MDGA2: variants seen among roughly 807,000 people sequenced by gnomAD.
MDGA2 encodes the protein MAM domain-containing glycosylphosphatidylinositol anchor protein 2.
A neutral mutation model predicts 117.8 loss-of-function variants in MDGA2; 40 were observed. That is an observed-to-expected ratio of 0.34 (90% CI 0.26 to 0.44). The LOEUF (loss-of-function observed/expected upper bound fraction) is 0.44, where lower values mean the gene tolerates loss of function less well. Ranked by LOEUF, MDGA2 falls within the 20% of genes least tolerant of loss-of-function variation. The probability of loss-of-function intolerance (pLI) is 1.00; values close to 1 mark genes in which losing one functional copy is unlikely to be tolerated. For synonymous variants in MDGA2, 452 were observed against 439.0 expected (o/e 1.03, Z -0.37); for missense variants, 1,123 against 1,250.6 (o/e 0.90, Z 1.54).
At chr14:47,267,095 G>A (rs899724846) in intron 2 of MDGA2, among the ~76,000 whole-genome samples, 1 of 152,116 alleles carries the variant, frequency 6.6e-6, no homozygotes, top group Non-Finnish European at 1.5e-5. Flanking sequence ...ATGATTGCAT[G>A]AAGTACCTGG....
chr14:47,562,872 A>T (rs1052422310), intron 1 of MDGA2, among the ~76,000 whole-genome samples: 4 of 152,076 alleles, frequency 2.6e-5, no homozygotes, highest in African/African-American at 7.2e-5. Flanking sequence ...TTAGTGCTAT[A>T]AATGTCCGTC....
intron 5 of MDGA2, among the ~76,000 whole-genome samples, chr14:47,105,588 C>T (rs1476129292): frequency 2.0e-5 from 3 of 151,970 alleles, no homozygotes; most frequent in Non-Finnish European, 4.4e-5. Context: ...TTCCAAATAG[C>T]CAGAAAATGG....
chr14:46,929,649 A>ATATATATATTTTTTTTTTTTTTTT (rs1884485655), intron 9 of MDGA2, among the ~76,000 whole-genome samples: 1 of 13,710 alleles, frequency 7.3e-5, no homozygotes, highest in Non-Finnish European at 1.4e-4. Context: ...ATATATATAC[A>ATATATATATTTTTTTTTTTTTTTT]TTTTTTTTTT....
intron 3 of MDGA2, among the ~76,000 whole-genome samples, chr14:47,182,683 T>C (rs1201710018): frequency 1.3e-5 from 2 of 152,212 alleles, no homozygotes; most frequent in African/African-American, 2.4e-5. Flanking sequence ...CAAAGATGCA[T>C]ACTTTAAGGT....
At chr14:47,619,116 T>TACACACACACACACAC (rs1555336908) in intron 1 of MDGA2, among the ~76,000 whole-genome samples, 1 of 90,712 alleles carries the variant, frequency 1.1e-5, no homozygotes, top group East Asian at 2.7e-4. Context: ...TCAGTTTAAT[T>TACACACACACACACAC]ACACACACAC....
At chr14:47,381,663 AG>A (rs1341098846) in intron 1 of MDGA2, among the ~76,000 whole-genome samples, 4 of 152,186 alleles carry the variant, frequency 2.6e-5, no homozygotes, top group African/African-American at 9.7e-5. Flanking sequence ...AGGGATGTAA[AG>A]GACCTCTTCA....
chr14:47,532,334 G>T (rs1895118021), intron 1 of MDGA2, among the ~76,000 whole-genome samples: 1 of 152,018 alleles, frequency 6.6e-6, no homozygotes, highest in South Asian at 2.1e-4. Flanking sequence ...GTCCTGACTT[G>T]GTCTTTCCTT....
chr14:46,871,230 T>G (rs1003034187), intron 14 of MDGA2: 1 of 151,940 alleles, frequency 6.6e-6, no homozygotes, highest in Admixed American at 6.6e-5. Flanking sequence ...ATTTTTATGT[T>G]TATTTTCCTA....
intron 1 of MDGA2, among the ~76,000 whole-genome samples, chr14:47,585,386 TAAC>T (rs1380403795): frequency 1.3e-5 from 2 of 151,880 alleles, no homozygotes; most frequent in Non-Finnish European, 2.9e-5. Context: ...CTTCTACTGA[TAAC>T]AACAAAAAAA....
intron 3 of MDGA2, among the ~76,000 whole-genome samples, chr14:47,155,276 C>A (rs1409728434): frequency 6.6e-6 from 1 of 152,086 alleles, no homozygotes; most frequent in Non-Finnish European, 1.5e-5. Flanking sequence ...GAACTCGGGA[C>A]CTTCTGAATG....
intron 2 of MDGA2, chr14:47,299,493 C>G (rs1300569166): frequency 6.6e-6 from 1 of 152,172 alleles, no homozygotes. Flanking sequence ...TGTTTAGACC[C>G]TCCTGTTTAG....
intron 10 of MDGA2, among the ~76,000 whole-genome samples, chr14:46,898,561 T>C (rs1400919222): frequency 6.6e-6 from 1 of 152,020 alleles, no homozygotes; most frequent in Non-Finnish European, 1.5e-5. Context: ...TTCAAATAAA[T>C]AGGTCTAGGG....
intron 1 of MDGA2, among the ~76,000 whole-genome samples, chr14:47,317,186 C>T (rs1027914354): frequency 2.6e-5 from 4 of 152,054 alleles, no homozygotes; most frequent in African/African-American, 9.7e-5. Flanking sequence ...TCTGCGCCTA[C>T]ATTACTCATT....
At chr14:47,052,782 TAAG>T (rs1476402232) in intron 7 of MDGA2, among the ~76,000 whole-genome samples, 2 of 151,902 alleles carry the variant, frequency 1.3e-5, no homozygotes, top group East Asian at 1.9e-4. Context: ...GTGGCTTGTT[TAAG>T]AAGATGCCGC....
At chr14:47,557,095 G>A (rs577769415) in intron 1 of MDGA2, among the ~76,000 whole-genome samples, 1 of 152,232 alleles carries the variant, frequency 6.6e-6, no homozygotes, top group South Asian at 2.1e-4. Flanking sequence ...CCATTCCCCA[G>A]GGCGCATAGT....
At chr14:47,199,771 T>C (rs780031589) in intron 3 of MDGA2, among the ~76,000 whole-genome samples, 1 of 152,290 alleles carries the variant, frequency 6.6e-6, no homozygotes, top group African/African-American at 2.4e-5. Context: ...TACAGAATAG[T>C]AATTCAGATC....
chr14:46,993,547 T>C (rs768796604), intron 8 of MDGA2, among the ~76,000 whole-genome samples: 33 of 151,860 alleles, frequency 2.2e-4, no homozygotes, highest in Non-Finnish European at 4.3e-4. Context: ...CTACAACCTA[T>C]GCCTCCCGAG....
intron 10 of MDGA2, among the ~76,000 whole-genome samples, chr14:46,915,753 A>T (rs1313457752): frequency 6.6e-6 from 1 of 152,186 alleles, no homozygotes; most frequent in African/African-American, 2.4e-5. Flanking sequence ...GGCAGGAGGC[A>T]TCATTAAGGA....
chr14:47,164,286 T>C (rs1415946964), intron 3 of MDGA2, among the ~76,000 whole-genome samples: 10 of 152,188 alleles, frequency 6.6e-5, no homozygotes. Context: ...TCCACAGCTT[T>C]CCCAGTTCCC....
Sources: allele counts gnomAD v4.1 joint callset (sites outside exome capture counted in the v4.1 genomes callset), GRCh38; gene constraint gnomAD v4.1.1; transcripts MANE v1.5; gene names NCBI Gene and HGNC (gene_info 2026-07-23, HGNC 2026-07-21).